Variants in MRE11 observed in about 807,000 individuals in gnomAD.
MRE11 encodes double-strand break repair protein MRE11.
In MRE11, 62 loss-of-function variants were observed where a neutral mutation model predicts 91.7. The ratio of observed to expected loss-of-function variants is 0.68; its 90% CI spans 0.55 to 0.84. The LOEUF (loss-of-function observed/expected upper bound fraction) is 0.84, where lower values mean the gene tolerates loss of function less well. Ranked by LOEUF, MRE11 falls within the 40% of genes least tolerant of loss-of-function variation. The probability of loss-of-function intolerance (pLI) is 0.00; values close to 1 mark genes in which losing one functional copy is unlikely to be tolerated. For synonymous variants in MRE11, 273 were observed against 271.4 expected, an observed-to-expected ratio of 1.01 and a Z score of -0.06; for missense variants, 796 against 852.9, an observed-to-expected ratio of 0.93 and a Z score of 0.83.
intron 6 of MRE11, among the ~76,000 whole-genome samples, chr11:94,476,746 A>G (rs907539048): frequency 6.6e-6 from 1 of 151,722 alleles, no homozygotes; most frequent in African/African-American, 2.4e-5. Flanking sequence ...TTCTAAACAC[A>G]GTCTTGCTCC....
intron 14 of MRE11, among the ~76,000 whole-genome samples, chr11:94,448,787 C>G (rs868635988): frequency 6.6e-6 from 1 of 152,116 alleles, no homozygotes. Context: ...GAGCGAGACC[C>G]TGTCACCAAA....
chr11:94,485,629 T>C (rs1236282091), intron 4 of MRE11, among the ~76,000 whole-genome samples: 5 of 150,676 alleles, frequency 3.3e-5, no homozygotes, highest in Admixed American at 2.0e-4. Context: ...TTTTTTGAGA[T>C]GGAGTCTTGC....
intron 11 of MRE11, among the ~76,000 whole-genome samples, 185 bp downstream of exon 11, chr11:94,463,925 TATA>T (rs1264893266): frequency 6.6e-6 from 1 of 152,082 alleles, no homozygotes; most frequent in Non-Finnish European, 1.5e-5. Flanking sequence ...GAACTTAAGG[TATA>T]ATAATAATAA....
intron 14 of MRE11, among the ~76,000 whole-genome samples, chr11:94,453,146 A>G (rs879665904): frequency 8.5e-5 from 13 of 152,070 alleles, no homozygotes; most frequent in Non-Finnish European, 1.3e-4. Context: ...ATATTGTAGC[A>G]TGTATCAGAA....
At chr11:94,439,062 G>A (rs1014204806) in intron 16 of MRE11, among the ~76,000 whole-genome samples, 1 of 152,138 alleles carries the variant, frequency 6.6e-6, no homozygotes, top group Admixed American at 6.6e-5. Flanking sequence ...TACAACTCCC[G>A]TGGCTACAAG....
chr11:94,443,884 G>GTTAGA (rs531401136), intron 16 of MRE11, among the ~76,000 whole-genome samples: 240 of 150,334 alleles, frequency 1.6e-3, no homozygotes, highest in African/African-American at 5.4e-3. Context: ...TGTTTCCCAG[G>GTTAGA]TTAGATATCC....
chr11:94,464,285 C>T lies in MRE11; in HGVS notation c.1099-46G>A, dbSNP rs764759531. 5.6e-6 allele frequency: 9 copies of T among 1,612,144 alleles called. No individual in the cohort carries two copies. In the African/African-American group the frequency reaches 1.2e-4, roughly 22 times the overall value. On this transcript the variant is annotated intron_variant, in intron 10 of 19. Transcript: ENST00000323929. ...ATGAACGCTAGGAAACAACAATTTG[C>T]CAATTTTTAAAACACACACTAATCC...
chr11:94,467,514 G>T (rs897969438), intron 10 of MRE11, among the ~76,000 whole-genome samples: 6 of 152,116 alleles, frequency 3.9e-5, no homozygotes, highest in African/African-American at 1.4e-4. Flanking sequence ...ACTGCGAGAA[G>T]GCCAAGATGC....
intron 17 of MRE11, 117 bp downstream of exon 17, chr11:94,437,060 A>T: frequency 1.1e-6 from 1 of 888,712 alleles, no homozygotes; most frequent in Non-Finnish European, 1.7e-6. Flanking sequence ...AGCTCCTTCC[A>T]GCTTTAATGT....
chr11:94,444,475 G>A (rs902589732), intron 16 of MRE11, among the ~76,000 whole-genome samples: 2 of 152,224 alleles, frequency 1.3e-5, no homozygotes, highest in East Asian at 3.9e-4. Flanking sequence ...GTGATATGAG[G>A]AAAAGAAGGA....
chr11:94,442,362 T>G (rs1464548303), intron 16 of MRE11, among the ~76,000 whole-genome samples: 1 of 152,148 alleles, frequency 6.6e-6, no homozygotes, highest in Non-Finnish European at 1.5e-5. Flanking sequence ...ATTTCTTAAT[T>G]ACAGTGGAAA....
chr11:94,428,009 C>T (rs773809697), intron 19 of MRE11, among the ~76,000 whole-genome samples: 24 of 152,146 alleles, frequency 1.6e-4, no homozygotes, highest in African/African-American at 1.2e-4. Context: ...AAACTACCAA[C>T]GTCATTTTTC....
chr11:94,456,362 C>G lies in MRE11; in HGVS notation c.1501-24G>C, dbSNP rs751916798. 3 of 1,574,296 alleles carry G rather than the reference C, an allele frequency of 1.9e-6. No individual in the cohort carries two copies. In the African/African-American group the frequency reaches 4.0e-5, roughly 21 times the overall value. Reference sequence around the variant, plus strand: ...ACCTAGATCATAACAGAGTAAATCACAAACATGTTGCCTATTCCAGTTATG... The same window carrying G: ...ACCTAGATCATAACAGAGTAAATCAGAAACATGTTGCCTATTCCAGTTATG... On this transcript the variant is annotated intron_variant, in intron 13 of 19. Coordinates refer to ENST00000323929, the MANE Select transcript of MRE11 (RefSeq NM_005591.4).
In MRE11 at chr11:94,476,255, AC is replaced by A. The variant is rs750952031; in HGVS notation, c.659+33del. The A allele has an allele frequency of 2.9e-6, 4 of 1,401,736 alleles. No individual in the cohort carries two copies. In the South Asian group the frequency reaches 3.5e-5, roughly 12 times the overall value. 86.8% of individuals were successfully genotyped at this position (1,401,736 alleles called of 1,614,324 possible). ...AGAAACAGATTTGGGAAGCCTCAGC[AC>A]TTGGCTCAAACTTTTTCAGAGAAAA... On this transcript the variant is annotated intron_variant, in intron 7 of 19. Coordinates refer to ENST00000323929, the MANE Select transcript of MRE11 (RefSeq NM_005591.4).
In MRE11 at chr11:94,470,430, C is replaced by T. The variant is rs764554592; in HGVS notation, c.1017+41G>A. On this transcript the variant is annotated intron_variant, in intron 9 of 19. Coordinates refer to ENST00000323929, the MANE Select transcript of MRE11 (RefSeq NM_005591.4). ...ACTTAATTGAAGGTGAATAATTCTT[C>T]AACTAAAGTAGATCTCATTGACTTT... The T allele has an allele frequency of 1.9e-6, 3 of 1,583,502 alleles. 1 individual carries two copies. The Admixed American group carries it at 5.0e-5, about 27-fold the overall frequency.
chr11:94,429,690 G>C (rs1945411556), intron 19 of MRE11, among the ~76,000 whole-genome samples: 3 of 152,156 alleles, frequency 2.0e-5, no homozygotes, highest in Middle Eastern at 3.2e-3. Flanking sequence ...AGTAGGATGT[G>C]TGTTGGAAAA....
upstream of MRE11, among the ~76,000 whole-genome samples, chr11:94,494,638 C>A (rs1947383471): frequency 6.6e-6 from 1 of 152,158 alleles, no homozygotes; most frequent in Non-Finnish European, 1.5e-5. Context: ...ATCATCAAGT[C>A]ATCAGTTTTG....
the MRE11 span, among the ~76,000 whole-genome samples, chr11:94,505,648 A>G: frequency 4.6e-5 from 7 of 152,292 alleles, no homozygotes; most frequent in Admixed American, 3.3e-4. Flanking sequence ...AAAGAAAAAT[A>G]TGTTTGCATA....
chr11:94,486,155 G>A, intron 3 of MRE11, 71 bp from the exon 4 acceptor site: 1 of 1,459,172 alleles, frequency 6.9e-7, no homozygotes, highest in Non-Finnish European at 9.4e-7. Context: ...ACAGATGAAA[G>A]AGATAAAAAA....
Sources: gnomAD v4.1 joint callset for allele counts (sites outside exome capture counted in the v4.1 genomes callset) on GRCh38, gnomAD v4.1.1 for gene constraint, MANE v1.5 for transcripts, NCBI Gene and HGNC (gene_info 2026-07-23, HGNC 2026-07-21) for gene names.